The following COL23A1 variants were observed in gnomAD, a reference collection of about 807,000 sequenced individuals.
COL23A1 encodes collagen type XXIII alpha 1 chain, also known as collagen alpha-1(XXIII) chain.
COL23A1 carries 97 observed loss-of-function variants against 99.3 expected under a neutral mutation model. The ratio of observed to expected loss-of-function variants is 0.98; its 90% CI spans 0.83 to 1.16. The LOEUF is 1.16. COL23A1 is among the 50% of genes most tolerant of loss of function. The pLI is 0.00. For missense variants in COL23A1, 762 were observed against 757.4 expected (o/e 1.01, Z -0.07); for synonymous variants, 320 against 308.2 (o/e 1.04, Z -0.40).
intron 2 of COL23A1, among the ~76,000 whole-genome samples, chr5:178,353,314 G>GAC (rs1259967093): frequency 2.0e-5 from 3 of 152,030 alleles, no homozygotes; most frequent in Non-Finnish European, 4.4e-5. Flanking sequence ...CTTTATGTAT[G>GAC]ACACAAACCT....
In COL23A1 at chr5:178,309,158, G is replaced by C. The variant is rs935036653; in HGVS notation, c.362-2239C>G. Among the ~76,000 whole-genome samples, 1 of 152,226 alleles carries C rather than the reference G, an allele frequency of 6.6e-6. No homozygotes were observed. Among genetic ancestry groups the C allele is most frequent in the African/African-American group, 2.4e-5 (1 of 41,456 alleles). ...GTACGACTAGGAAGTTCTCCGTCTG[G>C]GTAACTGAAGCCAGATGAAGACATC... On this transcript the variant is annotated intron_variant, in intron 2 of 28. Coordinates refer to ENST00000390654, the MANE Select transcript of COL23A1 (RefSeq NM_173465.4). This position sits in a 1 kb window ranked among gnomAD's most constrained non-coding sequence, Gnocchi z 4.7.
At chr5:178,513,074 C>T (rs1171274794) in intron 2 of COL23A1, among the ~76,000 whole-genome samples, 1 of 152,154 alleles carries the variant, frequency 6.6e-6, no homozygotes, top group African/African-American at 2.4e-5. Context: ...GAACAGCATG[C>T]ATGAGAGAGC....
At chr5:178,448,737 C>T (rs1767311948) in intron 2 of COL23A1, among the ~76,000 whole-genome samples, 1 of 151,876 alleles carries the variant, frequency 6.6e-6, no homozygotes, top group Non-Finnish European at 1.5e-5. Flanking sequence ...GCTCCACTTC[C>T]GTATACTGCT....
At chr5:178,270,565 A>C (rs1756230761) in intron 5 of COL23A1, among the ~76,000 whole-genome samples, 1 of 152,148 alleles carries the variant, frequency 6.6e-6, no homozygotes, top group Non-Finnish European at 1.5e-5. Flanking sequence ...TCCTCTGACA[A>C]GAGAGCCCAG....
intron 1 of COL23A1, among the ~76,000 whole-genome samples, chr5:178,583,669 A>G (rs1763774109): frequency 6.6e-6 from 1 of 152,234 alleles, no homozygotes; most frequent in South Asian, 2.1e-4. Context: ...GTTGGAAAAC[A>G]GAAACTAACA....
At position 178,556,269 on chromosome 5, in the gene COL23A1, C is replaced by T. The variant is rs564429263; in HGVS notation, c.361+4413G>A. Among the ~76,000 whole-genome samples the T allele has an allele frequency of 7.2e-5, 11 of 152,032 alleles. 1 individual carries two copies. In the South Asian group the frequency reaches 2.3e-3, roughly 32 times the overall value. On this transcript the variant is annotated intron_variant, in intron 2 of 28. Coordinates refer to ENST00000390654, the MANE Select transcript of COL23A1 (RefSeq NM_173465.4). The stretch of plus-strand genomic sequence containing the variant: ...ACAAGGCAGCCCATGAAAAACAATG[C>T]GGGATAACTGTTGCGTTATTAAAAA...
intron 2 of COL23A1, among the ~76,000 whole-genome samples, chr5:178,356,689 C>G (rs562787522): frequency 6.6e-6 from 1 of 152,210 alleles, no homozygotes; most frequent in Non-Finnish European, 1.5e-5. Context: ...CCATTGCCGC[C>G]GGAGCAGAGC....
chr5:178,282,033 C>G (rs1304044307), intron 5 of COL23A1, among the ~76,000 whole-genome samples: 1 of 136,248 alleles, frequency 7.3e-6, no homozygotes, highest in African/African-American at 2.7e-5. Flanking sequence ...GCCTGGGCGA[C>G]AGAGCAAGAC....
intron 2 of COL23A1, among the ~76,000 whole-genome samples, chr5:178,348,473 C>T (rs1761116767): frequency 6.6e-6 from 1 of 152,206 alleles, no homozygotes. Flanking sequence ...TGGTCCTTTT[C>T]CATGTTCATG....
intron 2 of COL23A1, among the ~76,000 whole-genome samples, chr5:178,379,552 A>G (rs557404768): frequency 6.6e-6 from 1 of 152,180 alleles, no homozygotes; most frequent in Non-Finnish European, 1.5e-5. Context: ...TTCATGTATT[A>G]CCCCTGTAAT....
At chr5:178,270,055 G>A (rs971390957) in intron 6 of COL23A1, among the ~76,000 whole-genome samples, 1 of 152,144 alleles carries the variant, frequency 6.6e-6, no homozygotes, top group Non-Finnish European at 1.5e-5. Context: ...GGACTGTGCC[G>A]TCCACAGTTT....
intron 2 of COL23A1, among the ~76,000 whole-genome samples, chr5:178,492,643 C>T (rs545821251): frequency 9.9e-5 from 15 of 151,466 alleles, no homozygotes; most frequent in South Asian, 2.1e-4. Context: ...GGATGTTACA[C>T]GAAGTGAAGG....
At chr5:178,298,943 A>AT (rs1757890999) in intron 3 of COL23A1, among the ~76,000 whole-genome samples, 2 of 152,322 alleles carry the variant, frequency 1.3e-5, no homozygotes, top group South Asian at 4.1e-4. Context: ...ATGTGGTTTT[A>AT]TCTCTTATTC....
At chr5:178,412,918 C>T (rs900689725) in intron 2 of COL23A1, among the ~76,000 whole-genome samples, 7 of 152,078 alleles carry the variant, frequency 4.6e-5, no homozygotes, top group African/African-American at 1.7e-4. Context: ...AATGTTGTTT[C>T]CAGTCTTCAC....
chr5:178,477,369 GCCC>G (rs1456232529), intron 2 of COL23A1, among the ~76,000 whole-genome samples: 1 of 152,170 alleles, frequency 6.6e-6, no homozygotes, highest in Non-Finnish European at 1.5e-5. Flanking sequence ...GATCTTCCCT[GCCC>G]CACTGGAGTC....
At chr5:178,495,604 T>C (rs1758156021) in intron 2 of COL23A1, among the ~76,000 whole-genome samples, 1 of 152,022 alleles carries the variant, frequency 6.6e-6, no homozygotes, top group African/African-American at 2.4e-5. Flanking sequence ...AGGAATTTGC[T>C]AGCCTCAGAT....
chr5:178,555,499 G>T (rs901945618), intron 2 of COL23A1, among the ~76,000 whole-genome samples: 1 of 152,198 alleles, frequency 6.6e-6, no homozygotes, highest in African/African-American at 2.4e-5. Flanking sequence ...GCTGAGAGAG[G>T]AGAGCGAGCC....
At chr5:178,388,349 C>A (rs547306118) in intron 2 of COL23A1, among the ~76,000 whole-genome samples, 1 of 152,318 alleles carries the variant, frequency 6.6e-6, no homozygotes, top group Non-Finnish European at 1.5e-5. Flanking sequence ...GTTCCCTCTT[C>A]TCAAAGGTGA....
In COL23A1 at chr5:178,434,564, G is replaced by T. The variant is rs1054425098; in HGVS notation, c.361+126118C>A. Among the ~76,000 whole-genome samples, 6 of 152,180 alleles carry T rather than the reference G, an allele frequency of 3.9e-5. No homozygotes were observed. Among genetic ancestry groups the T allele is most frequent in the Admixed American group, 2.6e-4 (4 of 15,288 alleles). ...GCCCCAGCCTGGGGCCTTCCCTGGG[G>T]CCTTCCACTGGCGCTCTTCCTGGGA... On this transcript the variant is annotated intron_variant, in intron 2 of 28. Transcript: ENST00000390654. The surrounding 1 kb of genome is among the most constrained non-coding windows in gnomAD (Gnocchi z 4.3).
Sources: allele counts gnomAD v4.1 joint callset (sites outside exome capture counted in the v4.1 genomes callset), GRCh38; gene constraint gnomAD v4.1.1; non-coding constraint Gnocchi (gnomAD v3.1); transcripts MANE v1.5; gene names NCBI Gene and HGNC (gene_info 2026-07-23, HGNC 2026-07-21).